KCNIP1: variants seen among roughly 807,000 people sequenced by gnomAD.
KCNIP1 encodes the protein potassium voltage-gated channel interacting protein 1.
In KCNIP1, 18 loss-of-function variants were observed where a neutral mutation model predicts 33.0. That is an observed-to-expected ratio of 0.55 (90% CI 0.38 to 0.81). KCNIP1 has a LOEUF of 0.81. Ranked by LOEUF, KCNIP1 falls within the 30% of genes least tolerant of loss-of-function variation. The probability of loss-of-function intolerance (pLI) is 0.00; values close to 1 mark genes in which losing one functional copy is unlikely to be tolerated. For synonymous variants in KCNIP1, 93 were observed against 98.3 expected (o/e 0.95, Z 0.32); for missense variants, 238 against 271.6 (o/e 0.88, Z 0.87).
intron 1 of KCNIP1, among the ~76,000 whole-genome samples, chr5:170,473,586 C>T (rs1683008264): frequency 6.6e-6 from 1 of 152,104 alleles, no homozygotes; most frequent in South Asian, 2.1e-4. Context: ...TAAGGGAAAG[C>T]AGAGGTTCGG....
intron 1 of KCNIP1, among the ~76,000 whole-genome samples, chr5:170,578,136 G>A (rs768625914): frequency 5.3e-5 from 8 of 152,316 alleles, no homozygotes; most frequent in Admixed American, 1.3e-4. Context: ...CAGAGGCCCC[G>A]TGGCAGATGA....
chr5:170,578,936 A>G (rs1757697273), intron 1 of KCNIP1, among the ~76,000 whole-genome samples: 2 of 152,204 alleles, frequency 1.3e-5, no homozygotes, highest in Admixed American at 6.5e-5. Context: ...GGTGGGAACA[A>G]TCTTGATATG....
chr5:170,686,072 C>T (rs939386732), intron 1 of KCNIP1, among the ~76,000 whole-genome samples: 11 of 152,116 alleles, frequency 7.2e-5, no homozygotes, highest in Non-Finnish European at 1.5e-4. Context: ...CCACTTTTGT[C>T]CCCAGGACAA....
chr5:170,487,524 T>A (rs1757123588), intron 1 of KCNIP1, among the ~76,000 whole-genome samples: 2 of 149,214 alleles, frequency 1.3e-5, no homozygotes, highest in South Asian at 4.2e-4. Flanking sequence ...CACGGAACTT[T>A]TTTTTTTTTT....
In KCNIP1 at chr5:170,735,782, C is replaced by T. The variant is rs1449880743; in HGVS notation, c.627C>T (p.Leu209=). 1.9e-6 allele frequency: 3 copies of T among 1,614,066 alleles called. No homozygotes were observed. The highest frequency in any genetic ancestry group is 2.5e-6 in the Non-Finnish European group (3 of 1,179,996). ...AGGACGACAACATCATGAGGTCTCTCCAGCTGTTTCAAAATGTCATGTAAC... is the reference window on the plus strand; with the variant it reads ...AGGACGACAACATCATGAGGTCTCTTCAGCTGTTTCAAAATGTCATGTAAC... ...CQEDDNIMRS[L]QLFQNVM The change falls in exon 8 of 8, where the codon CTC becomes CTT. Residue 209 remains leucine, a synonymous_variant. Transcript: ENST00000328939.
intron 1 of KCNIP1, among the ~76,000 whole-genome samples, chr5:170,650,680 C>G (rs1395131113): frequency 6.6e-6 from 1 of 152,190 alleles, no homozygotes; most frequent in African/African-American, 2.4e-5. Context: ...GGGCAAATAC[C>G]TAGGGGTGGA....
chr5:170,542,569 A>G (rs1158311866), intron 1 of KCNIP1, among the ~76,000 whole-genome samples: 4 of 152,176 alleles, frequency 2.6e-5, no homozygotes, highest in Non-Finnish European at 5.9e-5. Context: ...TGGGTAAAGT[A>G]GTCTCCCCTT....
intron 1 of KCNIP1, among the ~76,000 whole-genome samples, chr5:170,393,691 T>A (rs1754675294): frequency 6.6e-6 from 1 of 152,174 alleles, no homozygotes; most frequent in South Asian, 2.1e-4. Context: ...ATGCCGATAT[T>A]ACAATTAAAT....
At chr5:170,633,474 G>C (rs1760143064) in intron 1 of KCNIP1, among the ~76,000 whole-genome samples, 1 of 150,652 alleles carries the variant, frequency 6.6e-6, no homozygotes, top group Admixed American at 6.6e-5. Context: ...TTTTCAGGAA[G>C]AAGAATCAGC....
intron 1 of KCNIP1, among the ~76,000 whole-genome samples, chr5:170,552,489 G>A (rs1033036781): frequency 1.3e-5 from 2 of 152,156 alleles, no homozygotes; most frequent in Non-Finnish European, 2.9e-5. Context: ...GGAGTGAGGG[G>A]CTGCTTTAAA....
intron 1 of KCNIP1, among the ~76,000 whole-genome samples, chr5:170,443,804 G>A (rs1164393848): frequency 6.6e-6 from 1 of 152,190 alleles, no homozygotes; most frequent in Non-Finnish European, 1.5e-5. Context: ...AGCCATGGAG[G>A]GGCTTGGGCA....
At chr5:170,407,336 G>A (rs1287388038) in intron 1 of KCNIP1, among the ~76,000 whole-genome samples, 8 of 152,232 alleles carry the variant, frequency 5.3e-5, no homozygotes, top group Admixed American at 3.9e-4. Context: ...TGCTGGGAAT[G>A]GGAGAAACAT....
rs1032526121 is a variant in KCNIP1 at position 170,415,897 on chromosome 5, G to C, written c.88+61933G>C. Among the ~76,000 whole-genome samples the C allele has an allele frequency of 2.0e-5, 3 of 152,130 alleles. No homozygotes were observed. The South Asian group carries it at 6.2e-4, about 31-fold the overall frequency. On this transcript the variant is annotated intron_variant, in intron 1 of 7. Coordinates refer to the KCNIP1 transcript ENST00000377360. ...AATTGCCAGCCCTGGGAAGTCATGA[G>C]GAAGAACACTCCAGGCAGAGGGCAC...
intron 1 of KCNIP1, among the ~76,000 whole-genome samples, chr5:170,621,424 T>G (rs115332317): frequency 6.6e-6 from 1 of 152,066 alleles, no homozygotes; most frequent in African/African-American, 2.4e-5. Context: ...CCCCACAGAG[T>G]GTGGTGTGGG....
intron 1 of KCNIP1, among the ~76,000 whole-genome samples, chr5:170,575,444 G>A (rs1757567693): frequency 6.6e-6 from 1 of 152,188 alleles, no homozygotes; most frequent in African/African-American, 2.4e-5. Context: ...CCACCTGGCA[G>A]AAAATTCAAT....
intron 1 of KCNIP1, among the ~76,000 whole-genome samples, chr5:170,411,016 C>A (rs1294230506): frequency 6.6e-6 from 1 of 152,216 alleles, no homozygotes; most frequent in Non-Finnish European, 1.5e-5. Flanking sequence ...GTCACCCACC[C>A]AGTGAATGTG....
chr5:170,447,961 G>A (rs1302784693), intron 1 of KCNIP1, among the ~76,000 whole-genome samples: 3 of 151,764 alleles, frequency 2.0e-5, no homozygotes, highest in Non-Finnish European at 2.9e-5. Flanking sequence ...AGTCATCCAA[G>A]GGTCAGGCTT....
At chr5:170,642,268 C>T (rs1054232828) in intron 1 of KCNIP1, 3 of 152,578 alleles carry the variant, frequency 2.0e-5, no homozygotes, top group Admixed American at 6.5e-5. Context: ...CCTGCCTCCT[C>T]AGTGCTGCAT....
intron 1 of KCNIP1, among the ~76,000 whole-genome samples, chr5:170,421,333 G>T (rs1328708352): frequency 1.3e-5 from 2 of 152,234 alleles, no homozygotes; most frequent in African/African-American, 4.8e-5. Context: ...GTTTCGCCAT[G>T]TGGTTGTGTG....
Sources: gnomAD v4.1 joint callset for allele counts (sites outside exome capture counted in the v4.1 genomes callset) on GRCh38, gnomAD v4.1.1 for gene constraint, MANE v1.5 for transcripts, NCBI Gene and HGNC (gene_info 2026-07-23, HGNC 2026-07-21) for gene names.